Variants in PTPRD observed in about 807,000 individuals in gnomAD.
The protein encoded by PTPRD is receptor-type tyrosine-protein phosphatase delta.
Under a neutral mutation model 214.5 loss-of-function variants are expected in PTPRD, and 34 were observed. The ratio of observed to expected loss-of-function variants is 0.16; its 90% confidence interval spans 0.12 to 0.21. PTPRD has a LOEUF of 0.21. PTPRD is among the 10% of genes least tolerant of loss of function. The probability of loss-of-function intolerance (pLI) is 1.00; values close to 1 mark genes in which losing one functional copy is unlikely to be tolerated. For synonymous variants in PTPRD, 1,128 were observed against 845.7 expected (o/e 1.33, Z -5.79); for missense variants, 2,545 against 2,398.7 (o/e 1.06, Z -1.27).
At chr9:9,058,584 G>A (rs904830367) in intron 10 of PTPRD, among the ~76,000 whole-genome samples, 2 of 149,878 alleles carry the variant, frequency 1.3e-5, no homozygotes, top group Non-Finnish European at 3.0e-5. Flanking sequence ...CGAGTAGCTG[G>A]GACTACAGGC....
At chr9:9,880,795 G>A (rs924761492) in intron 5 of PTPRD, among the ~76,000 whole-genome samples, 22 of 152,110 alleles carry the variant, frequency 1.4e-4, no homozygotes, top group Non-Finnish European at 3.2e-4. Context: ...CTATTGATCT[G>A]TTAGCCTCAG....
intron 2 of PTPRD, among the ~76,000 whole-genome samples, chr9:10,507,180 G>C (rs944211257): frequency 2.0e-5 from 3 of 152,082 alleles, no homozygotes; most frequent in African/African-American, 7.2e-5. Context: ...CAGATCATGA[G>C]TGAACTCCCA....
intron 3 of PTPRD, among the ~76,000 whole-genome samples, chr9:10,269,818 T>A (rs1007811600): frequency 6.6e-6 from 1 of 152,284 alleles, no homozygotes; most frequent in Non-Finnish European, 1.5e-5. Flanking sequence ...TTATGTTCTG[T>A]AAAACATAAT....
chr9:8,709,126 T>A (rs2098272329), intron 12 of PTPRD, among the ~76,000 whole-genome samples: 1 of 151,938 alleles, frequency 6.6e-6, no homozygotes, highest in Admixed American at 6.6e-5. Flanking sequence ...GAGATGTTGG[T>A]CAAAGGACGC....
At chr9:9,594,416 T>G (rs602786) in intron 7 of PTPRD, among the ~76,000 whole-genome samples, 42,315 of 152,048 alleles carry the variant, frequency 0.28, 7,353 homozygotes, top group Non-Finnish European at 0.39. Context: ...GTCTTAGATT[T>G]AAGTCCTTGA....
chr9:9,831,267 A>G (rs983876108), intron 5 of PTPRD, among the ~76,000 whole-genome samples: 17 of 152,102 alleles, frequency 1.1e-4, no homozygotes, highest in African/African-American at 3.4e-4. Flanking sequence ...TGAAACCTAG[A>G]GACATTTTTT....
At chr9:9,318,037 G>A (rs1316491391) in intron 9 of PTPRD, among the ~76,000 whole-genome samples, 3 of 152,120 alleles carry the variant, frequency 2.0e-5, no homozygotes, top group Non-Finnish European at 4.4e-5. Flanking sequence ...CTGATGTGGT[G>A]GTGCATGCCT....
chr9:9,595,641 C>T (rs1341184741), intron 7 of PTPRD, among the ~76,000 whole-genome samples: 2 of 151,546 alleles, frequency 1.3e-5, no homozygotes, highest in Non-Finnish European at 2.9e-5. Context: ...ATGGCCTTTG[C>T]CGCAACCTCA....
chr9:9,318,801 G>A (rs939874834), intron 9 of PTPRD, among the ~76,000 whole-genome samples: 1 of 152,076 alleles, frequency 6.6e-6, no homozygotes, highest in Non-Finnish European at 1.5e-5. Context: ...GTGTACTGAA[G>A]TTCACAGTGG....
At chr9:8,458,874 G>A (rs2096292264) in intron 33 of PTPRD, among the ~76,000 whole-genome samples, 1 of 151,890 alleles carries the variant, frequency 6.6e-6, no homozygotes, top group Non-Finnish European at 1.5e-5. Flanking sequence ...ATTGAATGAT[G>A]GCAGTGTTCA....
At chr9:9,378,920 C>T (rs1569567832) in intron 9 of PTPRD, among the ~76,000 whole-genome samples, 1 of 151,692 alleles carries the variant, frequency 6.6e-6, no homozygotes, top group African/African-American at 2.4e-5. Context: ...CAGATGTATC[C>T]TTTGTAAATA....
At chr9:10,325,471 CAATT>C (rs2096626739) in intron 3 of PTPRD, among the ~76,000 whole-genome samples, 2 of 151,854 alleles carry the variant, frequency 1.3e-5, no homozygotes, top group South Asian at 2.1e-4. Context: ...TCTTTATAAA[CAATT>C]AACACTAAGT....
intron 7 of PTPRD, among the ~76,000 whole-genome samples, chr9:9,700,145 A>G (rs1189855136): frequency 6.6e-6 from 1 of 152,084 alleles, no homozygotes; most frequent in Admixed American, 6.6e-5. Context: ...TCTGATTGCT[A>G]TTGCTTGAGA....
chr9:10,275,887 A>C (rs1365349322), intron 3 of PTPRD, among the ~76,000 whole-genome samples: 1 of 152,302 alleles, frequency 6.6e-6, no homozygotes, highest in Non-Finnish European at 1.5e-5. Context: ...AGAAACTCAA[A>C]ATCAATATGG....
chr9:9,178,526 A>G (rs1475161048), intron 10 of PTPRD, among the ~76,000 whole-genome samples: 1 of 152,110 alleles, frequency 6.6e-6, no homozygotes, highest in African/African-American at 2.4e-5. Flanking sequence ...TGTACAAATC[A>G]TGGCCTGGGG....
At chr9:10,418,446 T>TACACACACACAC (rs3076350) in intron 2 of PTPRD, among the ~76,000 whole-genome samples, 3 of 124,652 alleles carry the variant, frequency 2.4e-5, no homozygotes, top group South Asian at 2.9e-4. Flanking sequence ...CCTTCCCCTC[T>TACACACACACAC]ACACACACAC....
At chr9:8,519,544 G>A (rs1008289479) in intron 20 of PTPRD, among the ~76,000 whole-genome samples, 6 of 152,140 alleles carry the variant, frequency 3.9e-5, no homozygotes, top group African/African-American at 7.2e-5. Flanking sequence ...AAGGCAAGAA[G>A]TATAACACCC....
intron 11 of PTPRD, among the ~76,000 whole-genome samples, chr9:8,851,165 A>C (rs2097801943): frequency 6.6e-6 from 1 of 151,630 alleles, no homozygotes; most frequent in Non-Finnish European, 1.5e-5. Context: ...ACTGGGCAAA[A>C]GTCTAAGCAG....
intron 2 of PTPRD, among the ~76,000 whole-genome samples, chr9:10,503,209 A>C (rs980697604): frequency 1.1e-5 from 1 of 92,968 alleles, no homozygotes; most frequent in African/African-American, 7.7e-5. Flanking sequence ...AAAAAAAAAC[A>C]AAAAAAAACA....
Sources: gnomAD v4.1 joint callset for allele counts (sites outside exome capture counted in the v4.1 genomes callset) on GRCh38, gnomAD v4.1.1 for gene constraint, MANE v1.5 for transcripts, NCBI Gene and HGNC (gene_info 2026-07-23, HGNC 2026-07-21) for gene names.